The following ILDR1 variants were observed in gnomAD, a reference collection of about 807,000 sequenced individuals.
ILDR1 encodes the protein immunoglobulin like domain containing receptor 1.
In ILDR1, 56 loss-of-function variants were observed where a neutral mutation model predicts 62.4. The ratio of observed to expected loss-of-function variants is 0.90; its 90% CI spans 0.72 to 1.12. ILDR1 has a LOEUF of 1.12. ILDR1 is among the 50% of genes most tolerant of loss of function. The pLI is 0.00. For synonymous variants in ILDR1, 284 were observed against 277.8 expected, an observed-to-expected ratio of 1.02 and a Z score of -0.22; for missense variants, 736 against 710.6, an observed-to-expected ratio of 1.04 and a Z score of -0.41.
chr3:122,043,184 A>G, the ILDR1 span, among the ~76,000 whole-genome samples: 2 of 140,246 alleles, frequency 1.4e-5, no homozygotes, highest in African/African-American at 5.5e-5. Flanking sequence ...TCCTTTCCCC[A>G]TTGCTTGTTT....
At chr3:122,007,341 C>T (rs976955986) in intron 1 of ILDR1, 180 bp from the exon 2 acceptor site, 17 of 1,376,776 alleles carry the variant, frequency 1.2e-5, no homozygotes, top group African/African-American at 2.9e-5. Flanking sequence ...GGTGAGAACG[C>T]ACTCAGCAGC....
intron 3 of ILDR1, among the ~76,000 whole-genome samples, chr3:122,002,795 G>A (rs926543188): frequency 1.3e-5 from 2 of 151,926 alleles, no homozygotes; most frequent in East Asian, 1.9e-4. Context: ...AACAGGCCGC[G>A]GTGTGTATTG....
upstream of ILDR1, among the ~76,000 whole-genome samples, chr3:122,026,804 A>ATTT (rs2071924860): frequency 6.6e-6 from 1 of 152,236 alleles, no homozygotes; most frequent in Non-Finnish European, 1.5e-5. Flanking sequence ...CCTATTTAAC[A>ATTT]TTATACTGGA....
chr3:122,039,060 G>A, the ILDR1 span, among the ~76,000 whole-genome samples: 1 of 151,660 alleles, frequency 6.6e-6, no homozygotes, highest in African/African-American at 2.4e-5. Context: ...TATGCAGAGA[G>A]GAAAAAGAGA....
intron 7 of ILDR1, among the ~76,000 whole-genome samples, chr3:121,990,875 C>T (rs1457355716): frequency 2.0e-5 from 3 of 152,210 alleles, no homozygotes; most frequent in South Asian, 4.1e-4. Flanking sequence ...CTCAACCTCT[C>T]AGAGGCTCCC....
rs766268823 is a variant in ILDR1, at chr3:122,022,096, C to G, written c.-19G>C. ...ATGCCATGCCGCCCCCTTTCTGGCC[C>G]TTTTCAGCTCAGGGGCTTCGGGGCA... On this transcript the variant is annotated 5_prime_UTR_variant, in exon 1 of 8. Coordinates refer to ENST00000344209, the MANE Select transcript of ILDR1 (RefSeq NM_001199799.2). 3.3e-5 allele frequency: 53 copies of G among 1,593,184 alleles called. No individual in the cohort carries two copies. In the Admixed American group the frequency reaches 5.4e-4, roughly 16 times the overall value.
the ILDR1 span, among the ~76,000 whole-genome samples, chr3:122,030,310 C>A: frequency 6.6e-6 from 1 of 151,956 alleles, no homozygotes; most frequent in Non-Finnish European, 1.5e-5. Flanking sequence ...AGTTTGCCAC[C>A]ACCTCCTTTG....
intron 5 of ILDR1, among the ~76,000 whole-genome samples, chr3:121,994,557 A>G (rs1216097006): frequency 6.6e-6 from 1 of 152,208 alleles, no homozygotes; most frequent in Non-Finnish European, 1.5e-5. Flanking sequence ...TTAAAACTTG[A>G]CTTCCTAGCC....
chr3:121,999,059 C>T (rs1347952929), intron 5 of ILDR1, among the ~76,000 whole-genome samples: 1 of 152,214 alleles, frequency 6.6e-6, no homozygotes, highest in African/African-American at 2.4e-5. Flanking sequence ...ACACATCAGA[C>T]ATCCAATAAA....
At chr3:122,019,262 T>C (rs909534177) in intron 1 of ILDR1, among the ~76,000 whole-genome samples, 2 of 152,248 alleles carry the variant, frequency 1.3e-5, no homozygotes, top group Admixed American at 6.5e-5. Flanking sequence ...ATATTGTTAA[T>C]GTGGGGATGA....
At chr3:122,055,616 G>C in the ILDR1 span, 3 of 971,698 alleles carry the variant, frequency 3.1e-6, no homozygotes, top group Admixed American at 5.8e-5. Flanking sequence ...CCTAAGTGGA[G>C]AAGCTTTCTT....
the ILDR1 span, among the ~76,000 whole-genome samples, chr3:122,051,016 A>C: frequency 6.6e-6 from 1 of 152,108 alleles, no homozygotes; most frequent in Non-Finnish European, 1.5e-5. Context: ...ATCTTATAGG[A>C]GTGTCCTTGT....
chr3:122,029,877 T>A, the ILDR1 span, among the ~76,000 whole-genome samples: 6 of 152,222 alleles, frequency 3.9e-5, no homozygotes, highest in Non-Finnish European at 5.9e-5. Flanking sequence ...TTTGTTCAAG[T>A]GTGTTTTTAA....
chr3:122,061,553 T>C, the ILDR1 span, among the ~76,000 whole-genome samples: 1 of 151,996 alleles, frequency 6.6e-6, no homozygotes, highest in African/African-American at 2.4e-5. Context: ...GCAAAAGATA[T>C]AAAAAGACAT....
chr3:122,025,667 G>T (rs963650866), upstream of ILDR1, among the ~76,000 whole-genome samples: 1 of 152,174 alleles, frequency 6.6e-6, no homozygotes, highest in African/African-American at 2.4e-5. Flanking sequence ...ATGTGCATCT[G>T]TGTTAGAATA....
chr3:122,029,834 C>G, the ILDR1 span, among the ~76,000 whole-genome samples: 1 of 152,058 alleles, frequency 6.6e-6, no homozygotes, highest in Non-Finnish European at 1.5e-5. Flanking sequence ...TGACATTTCC[C>G]CTGACATACT....
the ILDR1 span, among the ~76,000 whole-genome samples, chr3:122,052,461 C>T: frequency 1.3e-5 from 2 of 151,922 alleles, no homozygotes; most frequent in Non-Finnish European, 2.9e-5. Flanking sequence ...TTTTTTTGTT[C>T]TCAGTGTCCC....
chr3:122,004,630 T>C (rs1010317324), intron 3 of ILDR1, among the ~76,000 whole-genome samples: 3 of 152,152 alleles, frequency 2.0e-5, no homozygotes, highest in East Asian at 1.9e-4. Flanking sequence ...GCGCGCTAGA[T>C]ATTCACTTTG....
chr3:122,009,324 AAC>A lies in ILDR1; in HGVS notation c.59-2165_59-2164del, dbSNP rs60284951. Among the ~76,000 whole-genome samples the A allele has an allele frequency of 8.1e-3, 1,114 of 137,824 alleles. 6 individuals carry two copies. Among genetic ancestry groups the A allele is most frequent in the East Asian group, 0.05 (235 of 4,736 alleles). The allele number at this position is 137,824 out of a possible 152,430, so 90.4% of individuals were successfully genotyped here. ...AACCACTGGTGTAGACTCAATTTAA[AAC>A]ACACACACACACACACACACACACA... is the stretch of plus-strand genomic sequence containing the variant. On this transcript the variant is annotated intron_variant, in intron 1 of 7. Transcript: ENST00000344209.
Sources: allele counts gnomAD v4.1 joint callset (sites outside exome capture counted in the v4.1 genomes callset), GRCh38; gene constraint gnomAD v4.1.1; transcripts MANE v1.5; gene names NCBI Gene and HGNC (gene_info 2026-07-23, HGNC 2026-07-21).